Variants in ROCK1 observed in about 807,000 individuals in gnomAD.
ROCK1 encodes the protein rho-associated protein kinase 1.
A neutral mutation model predicts 196.8 loss-of-function variants in ROCK1; 36 were observed. That is an observed-to-expected ratio of 0.18 (90% CI 0.14 to 0.24). The LOEUF (loss-of-function observed/expected upper bound fraction) is 0.24. ROCK1 is among the 10% of genes least tolerant of loss of function. The pLI is 1.00. For synonymous variants in ROCK1, 443 were observed against 515.9 expected, an observed-to-expected ratio of 0.86 and a Z score of 1.91; for missense variants, 920 against 1,562.0, an observed-to-expected ratio of 0.59 and a Z score of 6.93.
At chr18:21,108,429 T>C (rs2036721949) in intron 1 of ROCK1, among the ~76,000 whole-genome samples, 1 of 152,250 alleles carries the variant, frequency 6.6e-6, no homozygotes, top group South Asian at 2.1e-4. Context: ...TCTGTAATTA[T>C]GAGCTCAGTT....
chr18:20,965,786 A>G (rs2035368786), intron 27 of ROCK1, among the ~76,000 whole-genome samples: 1 of 152,178 alleles, frequency 6.6e-6, no homozygotes, highest in African/African-American at 2.4e-5. Context: ...GACCACTAAA[A>G]TAAGAAATAT....
At chr18:20,983,131 AT>A (rs2035548007) in intron 20 of ROCK1, among the ~76,000 whole-genome samples, 4 of 151,794 alleles carry the variant, frequency 2.6e-5, no homozygotes, top group East Asian at 3.9e-4. Flanking sequence ...AATTGATACC[AT>A]ATTTTTGGTA....
chr18:21,045,318 T>A lies in ROCK1; in HGVS notation c.564A>T (p.Ala188=). The A allele has an allele frequency of 6.2e-7, 1 of 1,610,536 alleles. No homozygotes were observed. Among genetic ancestry groups the A allele is most frequent in the Non-Finnish European group, 8.5e-7 (1 of 1,179,058 alleles). Residue 188 remains alanine, a synonymous_variant, in exon 5 of 33, where the codon GCA becomes GCT. Coordinates refer to ENST00000399799, the MANE Select transcript of ROCK1 (RefSeq NM_005406.3). ...YTAEVVLALD[A]IHSMGFIHRD... ...TGTGAATAAAACCCATGGAATGGAT[T>A]GCATCCAATGCAAGAACTACTTCTG...
intron 21 of ROCK1, among the ~76,000 whole-genome samples, chr18:20,981,016 A>G (rs2143386958): frequency 6.6e-6 from 1 of 152,200 alleles, no homozygotes; most frequent in Non-Finnish European, 1.5e-5. Flanking sequence ...TTTAAAGGTT[A>G]GATCAATTCT....
At chr18:21,024,848 G>C (rs941318989) in intron 10 of ROCK1, among the ~76,000 whole-genome samples, 1 of 152,172 alleles carries the variant, frequency 6.6e-6, no homozygotes, top group Admixed American at 6.5e-5. Context: ...TAGAGGAAAA[G>C]TCCCATATAA....
chr18:21,026,033 G>C (rs1448066249), intron 10 of ROCK1, among the ~76,000 whole-genome samples: 1 of 152,130 alleles, frequency 6.6e-6, no homozygotes, highest in Non-Finnish European at 1.5e-5. Context: ...CCTAAATAAA[G>C]TTATTAACTG....
chr18:20,953,456 CACAT>C (rs1475378017), intron 32 of ROCK1, 118 bp downstream of exon 32: 27 of 613,718 alleles, frequency 4.4e-5, no homozygotes, highest in Non-Finnish European at 7.6e-5. Flanking sequence ...CACTGCAATT[CACAT>C]ACAAATACCT....
chr18:20,996,120 C>T (rs548594559), intron 16 of ROCK1, among the ~76,000 whole-genome samples: 7 of 151,908 alleles, frequency 4.6e-5, no homozygotes, highest in African/African-American at 7.3e-5. Flanking sequence ...ACCTTTCAGA[C>T]AGAGAATTTA....
At chr18:21,096,039 AT>A (rs1460295248) in intron 1 of ROCK1, among the ~76,000 whole-genome samples, 1 of 152,152 alleles carries the variant, frequency 6.6e-6, no homozygotes, top group Non-Finnish European at 1.5e-5. Flanking sequence ...ACACAAAGAA[AT>A]GGCAAGTGTT....
At chr18:20,958,628 T>C (rs2035269845) in intron 29 of ROCK1, among the ~76,000 whole-genome samples, 1 of 151,160 alleles carries the variant, frequency 6.6e-6, no homozygotes, top group Non-Finnish European at 1.5e-5. Flanking sequence ...TACACAGTTG[T>C]TCTTTTATAT....
chr18:21,035,472 C>G (rs1316277769), intron 9 of ROCK1, among the ~76,000 whole-genome samples: 1 of 152,134 alleles, frequency 6.6e-6, no homozygotes, highest in Non-Finnish European at 1.5e-5. Flanking sequence ...CTAGCCTGGT[C>G]AACACAGCAA....
intron 13 of ROCK1, among the ~76,000 whole-genome samples, chr18:21,011,235 A>T (rs1433545969): frequency 1.3e-5 from 2 of 151,586 alleles, no homozygotes; most frequent in Non-Finnish European, 2.9e-5. Context: ...TTATTTCTAC[A>T]TTTTCTTTCC....
intron 1 of ROCK1, among the ~76,000 whole-genome samples, chr18:21,097,117 A>G (rs925523614): frequency 1.3e-5 from 2 of 152,238 alleles, no homozygotes; most frequent in African/African-American, 4.8e-5. Flanking sequence ...AAAATCCAGT[A>G]GAGCGCAGTC....
intron 29 of ROCK1, among the ~76,000 whole-genome samples, chr18:20,958,255 ACTTG>A (rs1430877029): frequency 2.0e-5 from 3 of 152,128 alleles, no homozygotes; most frequent in Non-Finnish European, 2.9e-5. Context: ...ATTCTCTAGA[ACTTG>A]CTTAATTCTT....
intron 10 of ROCK1, among the ~76,000 whole-genome samples, chr18:21,025,667 C>T (rs2035949448): frequency 2.0e-5 from 3 of 152,152 alleles, no homozygotes; most frequent in South Asian, 4.2e-4. Flanking sequence ...ACCCAGGAGG[C>T]AGAGATTGCA....
At chr18:21,097,674 C>T (rs1598562201) in intron 1 of ROCK1, among the ~76,000 whole-genome samples, 1 of 152,198 alleles carries the variant, frequency 6.6e-6, no homozygotes, top group Admixed American at 6.5e-5. Context: ...AAGGACAAAT[C>T]ATAAGGATAT....
At chr18:21,025,925 C>T (rs1341013249) in intron 10 of ROCK1, among the ~76,000 whole-genome samples, 7 of 151,786 alleles carry the variant, frequency 4.6e-5, no homozygotes, top group Admixed American at 3.9e-4. Flanking sequence ...AACATGAATA[C>T]GAAGAAAAGC....
chr18:20,951,188 T>C lies in ROCK1; in HGVS notation c.*196A>G, dbSNP rs1216280679. 1 of 444,464 alleles carries C rather than the reference T, an allele frequency of 2.2e-6. No individual in the cohort carries two copies. The highest frequency in any genetic ancestry group is 4.1e-6 in the Non-Finnish European group (1 of 242,260). 27.5% of individuals were successfully genotyped at this position (444,464 alleles called of 1,614,324 possible). ...CATTACATAGTAATAATTAATCTAA[T>C]CTACCTGTAGGCAAACCCGCAATAA... is the stretch of plus-strand genomic sequence containing the variant. On this transcript the variant is annotated 3_prime_UTR_variant, in exon 33 of 33. Transcript: ENST00000399799.
chr18:21,058,099 A>G (rs528277335), intron 2 of ROCK1, among the ~76,000 whole-genome samples: 2 of 152,278 alleles, frequency 1.3e-5, no homozygotes, highest in Non-Finnish European at 2.9e-5. Flanking sequence ...TATGAACTTG[A>G]TTTTCTAAAA....
Sources: gnomAD v4.1 joint callset for allele counts (sites outside exome capture counted in the v4.1 genomes callset) on GRCh38, gnomAD v4.1.1 for gene constraint, MANE v1.5 for transcripts, NCBI Gene and HGNC (gene_info 2026-07-23, HGNC 2026-07-21) for gene names.